GRM7: variants seen among roughly 807,000 people sequenced by gnomAD.
GRM7 encodes glutamate metabotropic receptor 7, also known as metabotropic glutamate receptor 7.
In GRM7, 35 loss-of-function variants were observed where a neutral mutation model predicts 84.5. The observed-to-expected ratio is 0.41, with a 90% confidence interval of 0.32 to 0.55. GRM7 has a LOEUF of 0.55. Ranked by LOEUF, GRM7 falls within the 20% of genes least tolerant of loss-of-function variation. The pLI, the probability that GRM7 is intolerant of heterozygous loss-of-function variation, is 0.19. For missense variants in GRM7, 1,003 were observed against 1,194.6 expected, an observed-to-expected ratio of 0.84 and a Z score of 2.36; for synonymous variants, 487 against 455.1, an observed-to-expected ratio of 1.07 and a Z score of -0.89.
At chr3:7,099,504 GTACACATATATGTATATGTACA>G (rs1699007019) in intron 1 of GRM7, among the ~76,000 whole-genome samples, 3 of 140,284 alleles carry the variant, frequency 2.1e-5, no homozygotes, top group African/African-American at 8.4e-5. Flanking sequence ...CATTATACAT[GTACACATATATGTATATGTACA>G]CGCATTATAC....
intron 1 of GRM7, among the ~76,000 whole-genome samples, chr3:7,002,862 A>T (rs1223595210): frequency 6.6e-6 from 1 of 152,178 alleles, no homozygotes; most frequent in Non-Finnish European, 1.5e-5. Flanking sequence ...AGATAAGTAG[A>T]TAAAGAAAAT....
At chr3:7,104,924 A>T (rs556451392) in intron 1 of GRM7, among the ~76,000 whole-genome samples, 51 of 151,972 alleles carry the variant, frequency 3.4e-4, no homozygotes, top group African/African-American at 1.2e-3. Context: ...AATACAAAAT[A>T]TATAGATTAA....
chr3:7,282,054 G>A (rs1699270106), intron 2 of GRM7, among the ~76,000 whole-genome samples: 1 of 152,166 alleles, frequency 6.6e-6, no homozygotes, highest in Admixed American at 6.5e-5. Flanking sequence ...CTGCACTCCA[G>A]CCTGGGCGAC....
intron 2 of GRM7, among the ~76,000 whole-genome samples, chr3:7,230,868 T>G (rs1697171393): frequency 6.6e-6 from 1 of 152,104 alleles, no homozygotes; most frequent in Admixed American, 6.5e-5. Context: ...ATAAAACCCT[T>G]TTAGTATATT....
chr3:7,429,178 AATG>A (rs1330121433), intron 5 of GRM7, among the ~76,000 whole-genome samples: 1 of 151,988 alleles, frequency 6.6e-6, no homozygotes, highest in Non-Finnish European at 1.5e-5. Flanking sequence ...CGATAATAAT[AATG>A]ATGATAGAGT....
At chr3:7,309,564 C>A (rs1049435741) in intron 4 of GRM7, among the ~76,000 whole-genome samples, 3 of 151,824 alleles carry the variant, frequency 2.0e-5, no homozygotes, top group Admixed American at 6.6e-5. Context: ...ACCTTTTTTT[C>A]CCTTTAGATC....
chr3:7,326,774 C>T (rs531666420), intron 4 of GRM7, among the ~76,000 whole-genome samples: 49 of 150,234 alleles, frequency 3.3e-4, no homozygotes, highest in African/African-American at 1.2e-3. Context: ...GTGGAGGTTG[C>T]AGTGAGCCGA....
chr3:7,243,218 G>C (rs759617840), intron 2 of GRM7, among the ~76,000 whole-genome samples: 1 of 152,204 alleles, frequency 6.6e-6, no homozygotes, highest in Middle Eastern at 3.4e-3. Context: ...CATTTGCAAA[G>C]CTCTGACCTA....
chr3:7,154,827 T>A (rs887423863), intron 2 of GRM7, among the ~76,000 whole-genome samples: 2 of 152,126 alleles, frequency 1.3e-5, no homozygotes, highest in Admixed American at 6.6e-5. Context: ...AGTCTTCCCT[T>A]TTTAAGGAAG....
At chr3:7,632,966 C>T (rs1040533093) in intron 8 of GRM7, among the ~76,000 whole-genome samples, 3 of 152,170 alleles carry the variant, frequency 2.0e-5, no homozygotes, top group Non-Finnish European at 1.5e-5. Context: ...TAAAAGAAAA[C>T]ATGATTATAT....
intron 7 of GRM7, among the ~76,000 whole-genome samples, chr3:7,510,596 G>A (rs376364671): frequency 6.6e-6 from 1 of 152,106 alleles, no homozygotes; most frequent in African/African-American, 2.4e-5. Flanking sequence ...ATTGGCTTGG[G>A]TAAGATTAGG....
At chr3:7,573,024 C>T (rs1198439926) in intron 7 of GRM7, among the ~76,000 whole-genome samples, 1 of 150,624 alleles carries the variant, frequency 6.6e-6, no homozygotes, top group Non-Finnish European at 1.5e-5. Flanking sequence ...GCTGTCTAGT[C>T]ATGCTACTTA....
chr3:7,431,356 A>G (rs1696822921), intron 5 of GRM7, among the ~76,000 whole-genome samples: 2 of 152,216 alleles, frequency 1.3e-5, no homozygotes, highest in African/African-American at 4.8e-5. Flanking sequence ...AGTCTTGAAT[A>G]GACAAAACTA....
intron 2 of GRM7, among the ~76,000 whole-genome samples, chr3:7,200,092 T>A (rs1392013941): frequency 1.3e-5 from 2 of 152,080 alleles, no homozygotes; most frequent in African/African-American, 4.8e-5. Context: ...GATCACATGG[T>A]GAGGGAGGTG....
intron 1 of GRM7, among the ~76,000 whole-genome samples, chr3:7,130,607 T>C (rs1210539386): frequency 6.6e-6 from 1 of 150,672 alleles, no homozygotes; most frequent in Non-Finnish European, 1.5e-5. Flanking sequence ...AGTAGCTCTA[T>C]CTCAAAATCT....
At chr3:7,121,410 T>C (rs1400560292) in intron 1 of GRM7, among the ~76,000 whole-genome samples, 1 of 151,974 alleles carries the variant, frequency 6.6e-6, no homozygotes, top group Non-Finnish European at 1.5e-5. Flanking sequence ...GCGTTGTGTT[T>C]ATGGTACTTT....
At chr3:6,968,094 A>G (rs907034185) in intron 1 of GRM7, among the ~76,000 whole-genome samples, 1 of 152,206 alleles carries the variant, frequency 6.6e-6, no homozygotes, top group African/African-American at 2.4e-5. Flanking sequence ...ATTGTCTACA[A>G]ATATCTGGAG....
intron 7 of GRM7, among the ~76,000 whole-genome samples, chr3:7,532,688 C>G (rs1055383186): frequency 3.3e-5 from 5 of 149,794 alleles, no homozygotes; most frequent in Non-Finnish European, 7.4e-5. Flanking sequence ...GCTCTTGTTT[C>G]TCTACTTCTT....
chr3:7,123,357 G>A (rs931026499), intron 1 of GRM7, among the ~76,000 whole-genome samples: 2 of 152,168 alleles, frequency 1.3e-5, no homozygotes, highest in Non-Finnish European at 2.9e-5. Context: ...GGTGGCTCAC[G>A]CCTATAATCC....
Sources: gnomAD v4.1 joint callset for allele counts (sites outside exome capture counted in the v4.1 genomes callset) on GRCh38, gnomAD v4.1.1 for gene constraint, MANE v1.5 for transcripts, NCBI Gene and HGNC (gene_info 2026-07-23, HGNC 2026-07-21) for gene names.